Variants in CSGALNACT1 observed in about 807,000 individuals in gnomAD.
The protein encoded by CSGALNACT1 is chondroitin sulfate N-acetylgalactosaminyltransferase 1, also known as beta4GalNAcT-1.
CSGALNACT1 carries 52 observed loss-of-function variants against 51.0 expected under a neutral mutation model. That is an observed-to-expected ratio of 1.02 (90% CI 0.82 to 1.29). CSGALNACT1 has a LOEUF of 1.29. Among genes scored for constraint, CSGALNACT1 ranks in the 50% most tolerant of loss-of-function variants. The pLI, the probability that CSGALNACT1 is intolerant of heterozygous loss-of-function variation, is 0.00. For missense variants in CSGALNACT1, 935 were observed against 679.2 expected (o/e 1.38, Z -4.19); for synonymous variants, 341 against 254.4 (o/e 1.34, Z -3.24).
intron 1 of CSGALNACT1, among the ~76,000 whole-genome samples, chr8:19,681,813 C>T (rs986225259): frequency 3.3e-5 from 5 of 152,212 alleles, no homozygotes; most frequent in African/African-American, 7.2e-5. Flanking sequence ...GCACTGCTCA[C>T]ACCTTCTCTA....
intron 3 of CSGALNACT1, among the ~76,000 whole-genome samples, chr8:19,572,027 T>G (rs1453301559): frequency 2.6e-5 from 4 of 152,242 alleles, no homozygotes; most frequent in Non-Finnish European, 5.9e-5. Context: ...CATTTCCTAT[T>G]TTCAATGGAT....
At position 19,508,223 on chromosome 8, in the gene CSGALNACT1, C is replaced by T. The variant is rs556464153; in HGVS notation, c.-296-2093G>A. Among the ~76,000 whole-genome samples the T allele has an allele frequency of 1.7e-4, 26 of 152,334 alleles. 2 individuals are homozygous for T. In the South Asian group the frequency reaches 5.4e-3, roughly 32 times the overall value. ...CCTCTCAAAGACAGAATGTTAACAA[C>T]CTCCTTTACTTGAATATTCACTTGC... On this transcript the variant is annotated intron_variant, in intron 3 of 9. Transcript: ENST00000454498.
chr8:19,408,724 A>C, intron 8 of CSGALNACT1, 30 bp from the exon 8 acceptor site: 1 of 1,605,180 alleles, frequency 6.2e-7, no homozygotes, highest in African/African-American at 1.3e-5. Context: ...ATTTGAGGGG[A>C]AAGTTTAGGG....
chr8:19,560,364 C>T (rs535013351), intron 3 of CSGALNACT1, among the ~76,000 whole-genome samples: 2 of 152,124 alleles, frequency 1.3e-5, no homozygotes, highest in Non-Finnish European at 2.9e-5. Flanking sequence ...CAAAAGGCAA[C>T]AACCTTATGA....
chr8:19,666,769 A>T (rs1357834868), intron 1 of CSGALNACT1, among the ~76,000 whole-genome samples: 1 of 6,470 alleles, frequency 1.5e-4, no homozygotes, highest in African/African-American at 6.9e-4. Context: ...AGAAGAAAGA[A>T]AGAAAGAAAG....
intron 3 of CSGALNACT1, among the ~76,000 whole-genome samples, chr8:19,559,056 G>T (rs2040120532): frequency 6.6e-6 from 1 of 152,068 alleles, no homozygotes. Flanking sequence ...CAACAAAAAA[G>T]CTTAATTTTT....
At chr8:19,500,459 G>C (rs561315728) in intron 4 of CSGALNACT1, among the ~76,000 whole-genome samples, 1 of 152,088 alleles carries the variant, frequency 6.6e-6, no homozygotes, top group African/African-American at 2.4e-5. Flanking sequence ...AAGTCACAAA[G>C]TTGCTATCAC....
intron 3 of CSGALNACT1, among the ~76,000 whole-genome samples, chr8:19,548,444 T>C (rs2087019869): frequency 6.6e-6 from 1 of 152,178 alleles, no homozygotes; most frequent in Non-Finnish European, 1.5e-5. Flanking sequence ...TCACTGCTGT[T>C]TTTCTCAAGT....
At chr8:19,520,007 C>A (rs2080330598) in intron 3 of CSGALNACT1, among the ~76,000 whole-genome samples, 1 of 152,186 alleles carries the variant, frequency 6.6e-6, no homozygotes, top group South Asian at 2.1e-4. Flanking sequence ...CTGATGAGTT[C>A]ATGGAGGTGT....
chr8:19,523,170 G>C (rs747721878), intron 3 of CSGALNACT1, among the ~76,000 whole-genome samples: 22 of 152,210 alleles, frequency 1.4e-4, no homozygotes, highest in Non-Finnish European at 2.1e-4. Context: ...CTGTGAAAGA[G>C]GGGCGGGGCA....
intron 1 of CSGALNACT1, among the ~76,000 whole-genome samples, chr8:19,691,021 G>A (rs2061282928): frequency 6.6e-6 from 1 of 152,186 alleles, no homozygotes; most frequent in Admixed American, 6.5e-5. Flanking sequence ...GAATCCAGGA[G>A]TTCAAGGCTG....
At chr8:19,659,409 A>G (rs2058574036) in intron 1 of CSGALNACT1, among the ~76,000 whole-genome samples, 1 of 152,160 alleles carries the variant, frequency 6.6e-6, no homozygotes, top group Non-Finnish European at 1.5e-5. Flanking sequence ...GCATCAACCC[A>G]AGACATGAAT....
chr8:19,660,773 G>C (rs934548884), intron 1 of CSGALNACT1, among the ~76,000 whole-genome samples: 4 of 152,142 alleles, frequency 2.6e-5, no homozygotes, highest in South Asian at 4.1e-4. Flanking sequence ...CCAGTCCCTA[G>C]AACATCAGTG....
rs535797621 is a variant in CSGALNACT1, at chr8:19,577,527, C to T, written c.-297+13633G>A. On this transcript the variant is annotated intron_variant, in intron 3 of 9. Transcript: ENST00000454498. Reference sequence around the variant, plus strand: ...AGTGATCTGCAATTGCATTACCGCACTCCAGCCTCAGTGACAGCAAGACCC... The same window carrying T: ...AGTGATCTGCAATTGCATTACCGCATTCCAGCCTCAGTGACAGCAAGACCC... Among the ~76,000 whole-genome samples the T allele has an allele frequency of 2.6e-5, 4 of 151,014 alleles. No homozygotes were observed. The East Asian group carries it at 5.8e-4, about 22-fold the overall frequency.
At chr8:19,715,987 A>G (rs1373326329) in intron 1 of CSGALNACT1, among the ~76,000 whole-genome samples, 1 of 152,126 alleles carries the variant, frequency 6.6e-6, no homozygotes, top group Non-Finnish European at 1.5e-5. Flanking sequence ...TTACTTGTCA[A>G]TCCATGCTTG....
chr8:19,467,110 C>CT lies in CSGALNACT1; in HGVS notation c.635-8469dup, dbSNP rs10604359. The stretch of plus-strand genomic sequence containing the variant: ...TTTCACCATTGGTACTAGCAGCTGA[C>CT]TTTTTTTTTTTTTTTTTTTTTTTTT... On this transcript the variant is annotated intron_variant, in intron 4 of 9. Coordinates refer to ENST00000454498, the Ensembl canonical transcript of CSGALNACT1. 6.7e-4 allele frequency among the ~76,000 whole-genome samples: 36 copies of CT among 53,350 alleles called. 3 individuals carry two copies. Among genetic ancestry groups the CT allele is most frequent in the African/African-American group, 2.5e-3 (29 of 11,656 alleles). 35.0% of individuals were successfully genotyped at this position (53,350 alleles called of 152,430 possible).
intron 4 of CSGALNACT1, among the ~76,000 whole-genome samples, chr8:19,471,829 G>C (rs17128476): frequency 0.033 from 4,992 of 152,282 alleles, 128 homozygotes; most frequent in East Asian, 0.13. Flanking sequence ...AGTCTAACTT[G>C]CTCCAGGTGA....
At chr8:19,654,088 A>T (rs1374850452) in intron 1 of CSGALNACT1, among the ~76,000 whole-genome samples, 1 of 152,182 alleles carries the variant, frequency 6.6e-6, no homozygotes, top group African/African-American at 2.4e-5. Flanking sequence ...TGCCTTATTC[A>T]ATCATCACTG....
chr8:19,693,786 C>G (rs2061448355), intron 1 of CSGALNACT1, among the ~76,000 whole-genome samples: 1 of 152,166 alleles, frequency 6.6e-6, no homozygotes, highest in Admixed American at 6.5e-5. Context: ...AAGCCAGTCT[C>G]CACTGGTATC....
Sources: allele counts gnomAD v4.1 joint callset (sites outside exome capture counted in the v4.1 genomes callset), GRCh38; gene constraint gnomAD v4.1.1; transcripts MANE v1.5; gene names NCBI Gene and HGNC (gene_info 2026-07-23, HGNC 2026-07-21).